Variants in ADCK1 observed in about 807,000 individuals in gnomAD.
ADCK1 encodes the protein aarF domain containing kinase 1.
Under a neutral mutation model 52.3 loss-of-function variants are expected in ADCK1, and 41 were observed. The observed-to-expected ratio is 0.78, with a 90% confidence interval of 0.61 to 1.02. ADCK1 has a LOEUF of 1.02. ADCK1 is among the 50% of genes least tolerant of loss of function. The pLI is 0.00. For synonymous variants in ADCK1, 250 were observed against 274.6 expected (o/e 0.91, Z 0.89); for missense variants, 658 against 679.5 (o/e 0.97, Z 0.35).
chr14:77,874,101 G>A (rs577334712), intron 4 of ADCK1, among the ~76,000 whole-genome samples: 7 of 152,296 alleles, frequency 4.6e-5, no homozygotes, highest in African/African-American at 7.2e-5. Flanking sequence ...CCCCATCCCC[G>A]TACTCTTACT....
intron 3 of ADCK1, among the ~76,000 whole-genome samples, chr14:77,828,688 C>T (rs867364904): frequency 3.3e-5 from 5 of 152,042 alleles, no homozygotes; most frequent in Non-Finnish European, 4.4e-5. Flanking sequence ...CCATCACACC[C>T]GGCTAATTTT....
At chr14:77,804,309 C>A (rs761607673) in intron 1 of ADCK1, among the ~76,000 whole-genome samples, 1 of 152,108 alleles carries the variant, frequency 6.6e-6, no homozygotes, top group Non-Finnish European at 1.5e-5. Context: ...TACAATACCC[C>A]GAGGGAAGCA....
In ADCK1 at chr14:77,934,598, C is replaced by A. The variant is rs558931915; in HGVS notation, c.*1207C>A. The A allele has an allele frequency of 7.9e-5, 12 of 152,288 alleles. No individual in the cohort carries two copies. The highest frequency in any genetic ancestry group is 2.4e-4 in the African/African-American group (10 of 41,446). The allele number at this position is 152,288 out of a possible 1,614,324, so 9.4% of individuals were successfully genotyped here. A position where few individuals can be genotyped will look rare whatever the true frequency, so the allele number is the denominator to read the frequency against. ...CTTGCTGCCAGCACTGCCTCTCCCC[C>A]CAGCCTGGTTGTCTGCTTCTGTTTC... On this transcript the variant is annotated 3_prime_UTR_variant, in exon 11 of 11. Coordinates refer to ENST00000238561, the MANE Select transcript of ADCK1 (RefSeq NM_020421.4).
At position 77,933,705 on chromosome 14, in the gene ADCK1, G is replaced by C. The variant is rs1043526547; in HGVS notation, c.*314G>C. 3 of 286,954 alleles carry C rather than the reference G, an allele frequency of 1.0e-5. No individual in the cohort carries two copies. Among genetic ancestry groups the C allele is most frequent in the African/African-American group, 6.3e-5 (3 of 47,250 alleles). The allele number at this position is 286,954 out of a possible 1,614,324, so 17.8% of individuals were successfully genotyped here. A position where few individuals can be genotyped will look rare whatever the true frequency, so the allele number is the denominator to read the frequency against. Reference sequence around the variant, plus strand: ...CGTTAACCCTTCCCATTGTCAAGATGTGCCACGGGTGCCACTGGGGGCACA... The same window carrying C: ...CGTTAACCCTTCCCATTGTCAAGATCTGCCACGGGTGCCACTGGGGGCACA... On this transcript the variant is annotated 3_prime_UTR_variant, in exon 11 of 11. Transcript: ENST00000238561.
intron 2 of ADCK1, chr14:77,821,119 TAACTC>T (rs1040521408): frequency 3.3e-4 from 51 of 152,326 alleles, no homozygotes; most frequent in African/African-American, 1.1e-3. Context: ...TCAATTGAGA[TAACTC>T]AATACCTTCA....
chr14:77,917,314 G>C (rs1030154236), intron 7 of ADCK1, among the ~76,000 whole-genome samples: 3 of 152,106 alleles, frequency 2.0e-5, no homozygotes, highest in Non-Finnish European at 2.9e-5. Flanking sequence ...AAGGCAGAGA[G>C]AGTTTGAATG....
intron 5 of ADCK1, among the ~76,000 whole-genome samples, chr14:77,896,764 A>G (rs1367063056): frequency 1.3e-5 from 2 of 152,178 alleles, no homozygotes; most frequent in Admixed American, 6.5e-5. Context: ...CAAAACATAA[A>G]CTAAATCAAT....
In ADCK1 at chr14:77,912,612, G is replaced by C. The variant is rs1406803297; in HGVS notation, c.858+4693G>C. 2.0e-5 allele frequency among the ~76,000 whole-genome samples: 3 copies of C among 152,116 alleles called. No homozygotes were observed. In the East Asian group the frequency reaches 5.8e-4, roughly 29 times the overall value. On this transcript the variant is annotated intron_variant, in intron 7 of 10. Transcript: ENST00000238561. Reference sequence around the variant, plus strand: ...GGCAGCCTGGCTGTGAGCATTCCTTGGGGAGGGAGGTACAAGGGCTAGATA... The same window carrying C: ...GGCAGCCTGGCTGTGAGCATTCCTTCGGGAGGGAGGTACAAGGGCTAGATA...
At chr14:77,914,634 G>A (rs917359158) in intron 7 of ADCK1, 50 of 971,590 alleles carry the variant, frequency 5.1e-5, no homozygotes, top group Admixed American at 6.2e-5. Context: ...CTGAGATTGT[G>A]TATTGGCTGG....
chr14:77,884,271 CA>C (rs1459043043), intron 4 of ADCK1, among the ~76,000 whole-genome samples: 1 of 152,234 alleles, frequency 6.6e-6, no homozygotes, highest in African/African-American at 2.4e-5. Flanking sequence ...TGTGAGTTCA[CA>C]GCTCTGCTCC....
At chr14:77,904,683 G>C (rs545568091) in intron 6 of ADCK1, among the ~76,000 whole-genome samples, 44 of 152,316 alleles carry the variant, frequency 2.9e-4, no homozygotes, top group African/African-American at 1.1e-3. Context: ...CCGTGTGGGA[G>C]GCAGGAGGAG....
chr14:77,918,186 C>T (rs756915557), intron 7 of ADCK1, among the ~76,000 whole-genome samples: 7 of 152,236 alleles, frequency 4.6e-5, no homozygotes, highest in Middle Eastern at 3.4e-3. Flanking sequence ...AAAGAAGAGA[C>T]GGTGAGTGAA....
chr14:77,896,136 A>C (rs2083404226), intron 5 of ADCK1, among the ~76,000 whole-genome samples: 1 of 151,702 alleles, frequency 6.6e-6, no homozygotes. Context: ...GTTAATAATA[A>C]TGAATAGTAT....
At chr14:77,931,436 T>C in intron 9 of ADCK1, 82 bp from the exon 10 acceptor site, 1 of 1,441,480 alleles carries the variant, frequency 6.9e-7, no homozygotes, top group Non-Finnish European at 9.5e-7. Context: ...AGCCCTCTGG[T>C]CACAGCCTGC....
At chr14:77,927,624 TGTGA>T (rs1380504391) in intron 9 of ADCK1, among the ~76,000 whole-genome samples, 1 of 152,150 alleles carries the variant, frequency 6.6e-6, no homozygotes, top group African/African-American at 2.4e-5. Context: ...AGTAGGGTGC[TGTGA>T]GTAAGGGGGC....
chr14:77,871,265 G>A (rs931375503), intron 4 of ADCK1, among the ~76,000 whole-genome samples: 5 of 152,150 alleles, frequency 3.3e-5, no homozygotes, highest in African/African-American at 1.2e-4. Flanking sequence ...GGTTAGTCCT[G>A]TGGGCAGACT....
intron 7 of ADCK1, among the ~76,000 whole-genome samples, chr14:77,909,901 G>C (rs2083754438): frequency 6.6e-6 from 1 of 152,188 alleles, no homozygotes; most frequent in African/African-American, 2.4e-5. Context: ...CAAAGAATCA[G>C]AGTCTCAGAG....
intron 5 of ADCK1, among the ~76,000 whole-genome samples, chr14:77,895,457 G>A (rs1446594080): frequency 6.6e-6 from 1 of 152,212 alleles, no homozygotes; most frequent in Admixed American, 6.5e-5. Flanking sequence ...CATCTGTGGA[G>A]TGTTGAGTAG....
intron 3 of ADCK1, among the ~76,000 whole-genome samples, chr14:77,834,333 A>G (rs527245437): frequency 1.3e-5 from 2 of 152,282 alleles, no homozygotes; most frequent in Non-Finnish European, 2.9e-5. Flanking sequence ...CCTTTTGCAT[A>G]CCATCACTGC....
Sources: gnomAD v4.1 joint callset for allele counts (sites outside exome capture counted in the v4.1 genomes callset) on GRCh38, gnomAD v4.1.1 for gene constraint, MANE v1.5 for transcripts, NCBI Gene and HGNC (gene_info 2026-07-23, HGNC 2026-07-21) for gene names.